Variants in UBR3 observed in about 807,000 individuals in gnomAD.
The protein encoded by UBR3 is E3 ubiquitin-protein ligase UBR3.
UBR3 carries 85 observed loss-of-function variants against 243.2 expected under a neutral mutation model. The ratio of observed to expected loss-of-function variants is 0.35; its 90% CI spans 0.29 to 0.42. UBR3 has a LOEUF of 0.42. UBR3 is among the 10% of genes least tolerant of loss of function. The pLI, the probability that UBR3 is intolerant of heterozygous loss-of-function variation, is 1.00. For missense variants in UBR3, 1,686 were observed against 2,300.8 expected (o/e 0.73, Z 5.47); for synonymous variants, 748 against 799.8 (o/e 0.94, Z 1.09).
chr2:169,969,452 C>T (rs1485809951), intron 24 of UBR3, among the ~76,000 whole-genome samples: 2 of 152,046 alleles, frequency 1.3e-5, no homozygotes, highest in Non-Finnish European at 2.9e-5. Context: ...ACTGTCTTTT[C>T]CCCAGCACTG....
chr2:170,012,673 G>GT (rs34266638), intron 29 of UBR3, among the ~76,000 whole-genome samples: 102,787 of 145,126 alleles, frequency 0.71, 36,644 homozygotes, highest in Admixed American at 0.76. Context: ...GAAGATACTG[G>GT]TTTTTTTTTT....
In UBR3 at chr2:170,081,963, A is replaced by G. The variant is rs919759495; in HGVS notation, c.*120A>G. 7 of 697,456 alleles carry G rather than the reference A, an allele frequency of 1.0e-5. No homozygotes were observed. Among genetic ancestry groups the G allele is most frequent in the South Asian group, 7.9e-5 (2 of 25,268 alleles). The allele number at this position is 697,456 out of a possible 1,614,324, so 43.2% of individuals were successfully genotyped here. On this transcript the variant is annotated 3_prime_UTR_variant, in exon 39 of 39. Coordinates refer to ENST00000272793, the MANE Select transcript of UBR3 (RefSeq NM_172070.4). The stretch of plus-strand genomic sequence containing the variant: ...GCTGAGGGAGAAAAAGAAAACATAC[A>G]TTATGAAGCCTTTCCAAAATTAGGT...
At position 169,831,129 on chromosome 2, in the gene UBR3, T is replaced by TATATATA. The variant is rs2081925483; in HGVS notation, c.545+3077_545+3078insATATATA. Among the ~76,000 whole-genome samples the TATATATA allele has an allele frequency of 2.5e-3, 60 of 23,756 alleles. 1 individual carries two copies. Among genetic ancestry groups the TATATATA allele is most frequent in the African/African-American group, 4.5e-3 (19 of 4,232 alleles). 15.6% of individuals were successfully genotyped at this position (23,756 alleles called of 152,430 possible). On this transcript the variant is annotated intron_variant, in intron 1 of 38. Transcript: ENST00000272793. ...ACATTATATATATATATATATATAT[T>TATATATA]TTTTTTTTTTTTTTTTTTTTTTTTT...
chr2:169,939,711 G>A lies in UBR3; in HGVS notation c.2664-2782G>A, dbSNP rs190648775. 4.6e-5 allele frequency among the ~76,000 whole-genome samples: 7 copies of A among 151,994 alleles called. No homozygotes were observed. The East Asian group carries it at 1.4e-3, about 29-fold the overall frequency. ...CCTGAGTAGCTGGGATTACAGGGGTGCATCACCATGCTTGGCTAATTTTTG... is the reference window on the plus strand; with the variant it reads ...CCTGAGTAGCTGGGATTACAGGGGTACATCACCATGCTTGGCTAATTTTTG... On this transcript the variant is annotated intron_variant, in intron 19 of 38. Transcript: ENST00000272793.
chr2:170,012,218 C>T (rs906431758), intron 29 of UBR3, among the ~76,000 whole-genome samples: 5 of 152,050 alleles, frequency 3.3e-5, no homozygotes, highest in Non-Finnish European at 7.4e-5. Context: ...TAAAACAATC[C>T]TTTTTTGGGG....
chr2:169,963,267 C>T (rs994082235), intron 24 of UBR3, among the ~76,000 whole-genome samples: 1 of 152,132 alleles, frequency 6.6e-6, no homozygotes, highest in African/African-American at 2.4e-5. Context: ...ATACTTATGG[C>T]TCCTGTCTTC....
chr2:169,833,733 G>T (rs1313161059), intron 1 of UBR3, among the ~76,000 whole-genome samples: 1 of 151,754 alleles, frequency 6.6e-6, no homozygotes, highest in Non-Finnish European at 1.5e-5. Context: ...TTCTTTTAAG[G>T]TTACTTATGT....
chr2:169,859,587 G>C (rs924287277), intron 1 of UBR3, among the ~76,000 whole-genome samples: 1 of 151,702 alleles, frequency 6.6e-6, no homozygotes, highest in African/African-American at 2.4e-5. Context: ...TCTAGTCTCT[G>C]TGTTTTATTT....
At chr2:169,933,921 C>T (rs1031314613) in intron 19 of UBR3, among the ~76,000 whole-genome samples, 2 of 152,136 alleles carry the variant, frequency 1.3e-5, no homozygotes, top group African/African-American at 2.4e-5. Flanking sequence ...GTTCAGCCAT[C>T]GGCATCTCTC....
intron 8 of UBR3, among the ~76,000 whole-genome samples, chr2:169,899,250 G>A (rs2084718622): frequency 6.6e-6 from 1 of 152,178 alleles, no homozygotes; most frequent in Non-Finnish European, 1.5e-5. Flanking sequence ...AAAGTGCTGG[G>A]ATTACAGGCA....
intron 33 of UBR3, among the ~76,000 whole-genome samples, chr2:170,056,530 AAAG>A (rs2091340457): frequency 6.6e-6 from 1 of 152,210 alleles, no homozygotes; most frequent in Non-Finnish European, 1.5e-5. Context: ...GAGACAGATA[AAAG>A]AAGAAAATTG....
intron 21 of UBR3, 117 bp downstream of exon 21, chr2:169,946,509 TG>T: frequency 2.3e-6 from 1 of 435,024 alleles, no homozygotes; most frequent in Non-Finnish European, 4.1e-6. Flanking sequence ...CTTAGGAAAA[TG>T]TATTTGTGAA....
intron 30 of UBR3, among the ~76,000 whole-genome samples, chr2:170,019,163 TAGTC>T (rs1219003616): frequency 1.5e-5 from 1 of 64,550 alleles, no homozygotes; most frequent in Admixed American, 1.4e-4. Context: ...AATGAAATGT[TAGTC>T]AAGAAGAGGA....
intron 24 of UBR3, among the ~76,000 whole-genome samples, chr2:169,962,173 G>A (rs2087606497): frequency 6.6e-6 from 1 of 152,024 alleles, no homozygotes; most frequent in African/African-American, 2.4e-5. Flanking sequence ...CAACAGTCGT[G>A]TGAGTGAGCT....
chr2:169,920,936 T>G (rs1882377), intron 11 of UBR3, among the ~76,000 whole-genome samples: 64,341 of 151,950 alleles, frequency 0.42, 15,216 homozygotes, highest in Non-Finnish European at 0.54. Flanking sequence ...TTATGCAGGA[T>G]AATGGTAGAA....
Position 169,890,563 on chromosome 2 carries a change from A to ATATATGTGTG in UBR3, c.1039-601_1039-600insATATGTGTGT, listed in dbSNP as rs1255881148. 8.2e-3 allele frequency among the ~76,000 whole-genome samples: 686 copies of ATATATGTGTG among 83,750 alleles called. 34 individuals are homozygous for ATATATGTGTG. The highest frequency in any genetic ancestry group is 0.012 in the Non-Finnish European group (489 of 42,138). The allele number at this position is 83,750 out of a possible 152,430, so 54.9% of individuals were successfully genotyped here. On this transcript the variant is annotated intron_variant, in intron 5 of 38. Coordinates refer to ENST00000272793, the MANE Select transcript of UBR3 (RefSeq NM_172070.4). ...GAGATATATATATATATATATATATATGTGTATATATATATATGTATATAT... is the reference window on the plus strand; with the variant it reads ...GAGATATATATATATATATATATATATATATGTGTGTGTGTATATATATATATGTATATAT...
Position 169,947,681 on chromosome 2 carries a change from C to A in UBR3, c.3050C>A (p.Ala1017Glu). 6.5e-7 allele frequency: 1 copy of A among 1,530,052 alleles called. No individual in the cohort carries two copies. Among genetic ancestry groups the A allele is most frequent in the South Asian group, 1.3e-5 (1 of 79,444 alleles). The allele number at this position is 1,530,052 out of a possible 1,614,324, so 94.8% of individuals were successfully genotyped here. Residue 1017 changes from alanine (A) to glutamate (E), a missense_variant, in exon 22 of 39, where the codon GCA becomes GAA. Around this residue, in one of 8 missense-constraint regions of UBR3, gnomAD observed 300 missense variants for 314.4 expected, o/e 0.95. Transcript: ENST00000272793. ...TAPEVKRDSP[A>E]STSSDNLGSL... Reference sequence around the variant, plus strand: ...CCTGAAGTAAAGAGAGACTCACCTGCAAGTACTAGCTCTGATAACTTGGGT... The same window carrying A: ...CCTGAAGTAAAGAGAGACTCACCTGAAAGTACTAGCTCTGATAACTTGGGT...
chr2:170,002,743 C>T (rs1226761084), intron 27 of UBR3, among the ~76,000 whole-genome samples: 1 of 152,196 alleles, frequency 6.6e-6, no homozygotes, highest in Admixed American at 6.5e-5. Flanking sequence ...CTCAGCTCAT[C>T]AGGAGCTGAG....
intron 30 of UBR3, among the ~76,000 whole-genome samples, chr2:170,017,534 C>CACACACAG (rs1461553161): frequency 9.0e-5 from 4 of 44,370 alleles, no homozygotes; most frequent in African/African-American, 3.0e-4. Context: ...CACACACACA[C>CACACACAG]ACACACACAC....
Sources: gnomAD v4.1 joint callset for allele counts (sites outside exome capture counted in the v4.1 genomes callset) on GRCh38, gnomAD v4.1.1 for gene constraint, gnomAD v4.1.1 regional missense constraint, MANE v1.5 for transcripts, NCBI Gene and HGNC (gene_info 2026-07-23, HGNC 2026-07-21) for gene names.